The following GRK7 variants were observed in gnomAD, a reference collection of about 807,000 sequenced individuals.
The protein encoded by GRK7 is rhodopsin kinase GRK7.
In GRK7, 24 loss-of-function variants were observed where a neutral mutation model predicts 34.1. That is an observed-to-expected ratio of 0.70 (90% confidence interval 0.51 to 0.99). The LOEUF (loss-of-function observed/expected upper bound fraction) is 0.99, where lower values mean the gene tolerates loss of function less well. GRK7 is among the 50% of genes least tolerant of loss of function. The pLI, the probability that GRK7 is intolerant of heterozygous loss-of-function variation, is 0.00. For synonymous variants in GRK7, 256 were observed against 279.4 expected, an observed-to-expected ratio of 0.92 and a Z score of 0.84; for missense variants, 644 against 707.3, an observed-to-expected ratio of 0.91 and a Z score of 1.02.
intron 4 of GRK7, among the ~76,000 whole-genome samples, chr3:141,791,872 C>T (rs1490251150): frequency 2.7e-5 from 4 of 150,820 alleles, no homozygotes; most frequent in East Asian, 2.0e-4. Flanking sequence ...GGTGTGGTGG[C>T]GGGCCCCTAT....
intron 1 of GRK7, among the ~76,000 whole-genome samples, chr3:141,773,711 G>A (rs2084626932): frequency 6.6e-6 from 1 of 152,128 alleles, no homozygotes; most frequent in African/African-American, 2.4e-5. Flanking sequence ...ACCGCGCCCG[G>A]CCTGATGGTC....
chr3:141,795,752 C>T (rs893420497), intron 4 of GRK7, among the ~76,000 whole-genome samples: 5 of 151,220 alleles, frequency 3.3e-5, no homozygotes, highest in African/African-American at 1.2e-4. Context: ...CCAGCCTGGG[C>T]AACAAAGCGA....
intron 2 of GRK7, among the ~76,000 whole-genome samples, 99 bp downstream of exon 2, chr3:141,774,779 GATTATTATTATT>G (rs72103272): frequency 0.14 from 20,072 of 147,784 alleles, 3,604 homozygotes; most frequent in African/African-American, 0.41. Flanking sequence ...TCACCAGTCA[GATTATTATTATT>G]ATTATTATTA....
intron 4 of GRK7, among the ~76,000 whole-genome samples, chr3:141,803,415 G>A (rs1010082257): frequency 1.4e-4 from 19 of 140,308 alleles, no homozygotes; most frequent in African/African-American, 5.5e-4. Context: ...GGCGACAGAT[G>A]TCTCAAAAAA....
At chr3:141,784,486 G>C (rs1209305990) in intron 4 of GRK7, among the ~76,000 whole-genome samples, 1 of 152,144 alleles carries the variant, frequency 6.6e-6, no homozygotes, top group Non-Finnish European at 1.5e-5. Flanking sequence ...AAAAAACAAA[G>C]AGAAGAGAAA....
intron 4 of GRK7, among the ~76,000 whole-genome samples, chr3:141,791,784 A>T (rs1364563743): frequency 6.6e-6 from 1 of 151,938 alleles, no homozygotes; most frequent in East Asian, 1.9e-4. Flanking sequence ...TGGGCAGATC[A>T]CTTGAGGTCA....
chr3:141,785,448 C>T (rs1014810344), intron 4 of GRK7, among the ~76,000 whole-genome samples: 2 of 152,058 alleles, frequency 1.3e-5, no homozygotes, highest in African/African-American at 4.8e-5. Context: ...AGTGCGAACC[C>T]CATCTCTTAA....
intron 4 of GRK7, among the ~76,000 whole-genome samples, chr3:141,798,509 T>A (rs945122689): frequency 6.6e-6 from 1 of 152,046 alleles, no homozygotes; most frequent in Non-Finnish European, 1.5e-5. Flanking sequence ...ACTCGGGCAA[T>A]CCCTACAGCC....
In GRK7 at chr3:141,780,757, A is replaced by G. The variant is rs370440897; in HGVS notation, c.996A>G (p.Leu332=). The G allele has an allele frequency of 3.1e-6, 5 of 1,614,198 alleles. No individual in the cohort carries two copies. The African/African-American group carries it at 5.3e-5, about 17-fold the overall frequency. ...TGGATGACCTCGGCAACTGCAGGTT[A>G]TCTGACCTGGGGCTGGCCGTGGAGA... is the stretch of plus-strand genomic sequence containing the variant. ...VLLDDLGNCR[L]SDLGLAVEMK... Residue 332 remains leucine, a synonymous_variant, in exon 4 of 6, where the codon TTA becomes TTG. Transcript: ENST00000682958.
intron 1 of GRK7, among the ~76,000 whole-genome samples, chr3:141,767,907 T>G (rs1326238013): frequency 6.6e-6 from 1 of 152,218 alleles, no homozygotes; most frequent in Non-Finnish European, 1.5e-5. Context: ...TCTGGTCTGT[T>G]TTCTTCATGT....
upstream of GRK7, among the ~76,000 whole-genome samples, chr3:141,763,082 G>A (rs914085973): frequency 4.6e-5 from 7 of 152,212 alleles, no homozygotes; most frequent in Admixed American, 3.9e-4. Flanking sequence ...GAAATCACCC[G>A]TCTTCTGTGT....
At chr3:141,752,332 C>T in the GRK7 span, among the ~76,000 whole-genome samples, 8 of 152,060 alleles carry the variant, frequency 5.3e-5, no homozygotes, top group South Asian at 2.1e-4. Context: ...GGACATTTGG[C>T]GATGTCTGGA....
chr3:141,750,738 G>C, the GRK7 span, among the ~76,000 whole-genome samples: 1 of 151,466 alleles, frequency 6.6e-6, no homozygotes, highest in Non-Finnish European at 1.5e-5. Context: ...TTGCCAGCAT[G>C]AGTCTTCAGG....
intron 4 of GRK7, 47 bp from the exon 5 acceptor site, chr3:141,807,598 A>T: frequency 1.3e-6 from 2 of 1,534,748 alleles, no homozygotes; most frequent in Non-Finnish European, 1.8e-6. Context: ...CACTCACCTT[A>T]GTGTCTTTGT....
In GRK7 at chr3:141,789,387, T is replaced by C. The variant is rs369336356; in HGVS notation, c.1050+8576T>C. On this transcript the variant is annotated intron_variant, in intron 4 of 5. Transcript: ENST00000682958. ...TGCACGGGAGCCACCAGTCGCCCCA[T>C]ACACTTCCTACCAACTGAACCACTC... Among the ~76,000 whole-genome samples, 93 of 152,244 alleles carry C rather than the reference T, an allele frequency of 6.1e-4. 1 individual carries two copies. The South Asian group carries it at 0.018, about 30-fold the overall frequency.
At chr3:141,762,916 T>C (rs1230297892), upstream of GRK7, among the ~76,000 whole-genome samples, 2 of 152,224 alleles carry the variant, frequency 1.3e-5, no homozygotes, top group East Asian at 3.9e-4. Context: ...CTCCTTTCTT[T>C]GACTTGGAAA....
chr3:141,784,660 A>G (rs560490214), intron 4 of GRK7, among the ~76,000 whole-genome samples: 9 of 152,344 alleles, frequency 5.9e-5, no homozygotes, highest in African/African-American at 2.2e-4. Flanking sequence ...TCATAGTTAC[A>G]GGGCTTCTGT....
upstream of GRK7, among the ~76,000 whole-genome samples, chr3:141,762,139 C>T (rs924609920): frequency 2.5e-4 from 38 of 150,378 alleles, no homozygotes; most frequent in Admixed American, 1.3e-3. Flanking sequence ...CTCCATCCAG[C>T]TTTGTTCCAT....
chr3:141,757,566 G>T, the GRK7 span, among the ~76,000 whole-genome samples: 1 of 72,820 alleles, frequency 1.4e-5, no homozygotes, highest in Non-Finnish European at 2.7e-5. Flanking sequence ...TTGGACATTT[G>T]GGTTGGTTCC....
Sources: allele counts gnomAD v4.1 joint callset (sites outside exome capture counted in the v4.1 genomes callset), GRCh38; gene constraint gnomAD v4.1.1; transcripts MANE v1.5; gene names NCBI Gene and HGNC (gene_info 2026-07-23, HGNC 2026-07-21).